Variants in ARFGAP1 observed in about 807,000 individuals in gnomAD.
ARFGAP1 encodes ARF GTPase activating protein 1.
ARFGAP1 carries 26 observed loss-of-function variants against 54.0 expected under a neutral mutation model. The ratio of observed to expected loss-of-function variants is 0.48; its 90% CI spans 0.35 to 0.67. The LOEUF is 0.67. ARFGAP1 is among the 30% of genes least tolerant of loss of function. ARFGAP1 has a pLI of 0.00. For synonymous variants in ARFGAP1, 248 were observed against 211.9 expected, an observed-to-expected ratio of 1.17 and a Z score of -1.48; for missense variants, 525 against 535.8, an observed-to-expected ratio of 0.98 and a Z score of 0.20.
At chr20:63,282,673 C>G in intron 8 of ARFGAP1, 146 bp from the exon 9 acceptor site, 1 of 746,576 alleles carries the variant, frequency 1.3e-6, no homozygotes, top group South Asian at 1.6e-5. Flanking sequence ...TTCTGGGCAT[C>G]TCAGAGTTAT....
intron 10 of ARFGAP1, 152 bp downstream of exon 10, chr20:63,285,074 G>A (rs940167054): frequency 1.2e-5 from 12 of 967,876 alleles, no homozygotes; most frequent in African/African-American, 1.6e-5. Flanking sequence ...CGTCCTCCTC[G>A]GGGCCTGGGC....
chr20:63,284,467 A>T lies in ARFGAP1; in HGVS notation c.718-399A>T. The T allele has an allele frequency of 2.7e-6, 3 of 1,106,236 alleles. No individual in the cohort carries two copies. In the South Asian group the frequency reaches 7.8e-5, roughly 29 times the overall value. 68.5% of individuals were successfully genotyped at this position (1,106,236 alleles called of 1,614,324 possible). A position where few individuals can be genotyped will look rare whatever the true frequency, so the allele number is the denominator to read the frequency against. ...CCAGCCTCCGTGCCCTCTTCCCTCC[A>T]GGGGGGACTCGGTGCCTGCCTGGGG... is the stretch of plus-strand genomic sequence containing the variant. On this transcript the variant is annotated intron_variant, in intron 9 of 12. Transcript: ENST00000370283.
In ARFGAP1 at chr20:63,276,107, G is replaced by A. The variant is rs1223726384; in HGVS notation, c.77G>A (p.Gly26Asp). ...QDENNVCFEC[G>D]AFNPQWVSVT... ...CCTTTGCAGGTTTGTTTTGAGTGTG[G>A]CGCGTTCAATCCTCAGTGGGTCAGT... is the stretch of plus-strand genomic sequence containing the variant. Residue 26 changes from glycine to aspartate, a missense_variant, in exon 3 of 13, where the codon GGC becomes GAC. Gly to Asp is a moderately conservative substitution (Grantham distance 94). Coordinates refer to ENST00000370283, the MANE Select transcript of ARFGAP1 (RefSeq NM_018209.4). The surrounding 1 kb of genome is among the most constrained non-coding windows in gnomAD (Gnocchi z 5.2). 1.2e-6 allele frequency: 2 copies of A among 1,614,044 alleles called. No homozygotes were observed. The highest frequency in any genetic ancestry group is 1.7e-6 in the Non-Finnish European group (2 of 1,180,020).
At chr20:63,283,288 G>A (rs960598359) in intron 9 of ARFGAP1, 8 of 221,682 alleles carry the variant, frequency 3.6e-5, no homozygotes, top group African/African-American at 1.6e-4. Flanking sequence ...TCCCCCAGTC[G>A]GGGCAGTGTG....
chr20:63,285,770 C>T (rs1266973795), intron 11 of ARFGAP1, 57 bp downstream of exon 11: 4 of 1,592,780 alleles, frequency 2.5e-6, no homozygotes, highest in East Asian at 2.2e-5. Context: ...TATTCCACGG[C>T]CCTGGGCGTG....
At chr20:63,281,392 G>A (rs1049867484) in intron 8 of ARFGAP1, 45 bp downstream of exon 8, 79 of 1,559,564 alleles carry the variant, frequency 5.1e-5, no homozygotes, top group East Asian at 2.8e-4. Flanking sequence ...CCAGGCCCTC[G>A]GGACACTGGC....
intron 8 of ARFGAP1, among the ~76,000 whole-genome samples, chr20:63,281,948 C>G (rs888354264): frequency 2.0e-5 from 3 of 152,140 alleles, no homozygotes; most frequent in Non-Finnish European, 4.4e-5. Context: ...CAGAAGCAGC[C>G]AAGGCACCTA....
chr20:63,285,821 C>T, intron 11 of ARFGAP1, 108 bp downstream of exon 11: 1 of 1,513,766 alleles, frequency 6.6e-7, no homozygotes, highest in Non-Finnish European at 9.1e-7. Flanking sequence ...CCCAGCTTGG[C>T]AGTGGCCGCT....
At chr20:63,280,530 C>T (rs935886366) in intron 7 of ARFGAP1, among the ~76,000 whole-genome samples, 2 of 152,256 alleles carry the variant, frequency 1.3e-5, no homozygotes, top group African/African-American at 4.8e-5. Context: ...AGGTTTAAAG[C>T]GGATGTCTTC....
At position 63,278,023 on chromosome 20, in the gene ARFGAP1, G is replaced by A. The variant is rs542723804; in HGVS notation, c.444-94G>A. The A allele has an allele frequency of 1.6e-5, 19 of 1,162,020 alleles. No homozygotes were observed. The East Asian group carries it at 4.3e-4, about 26-fold the overall frequency. The allele number at this position is 1,162,020 out of a possible 1,614,324, so 72.0% of individuals were successfully genotyped here. ...CTCTCAGGGGTGACGTGAAGGCACT[G>A]CCCACGTAGGCCACATGGTTCTGGG... On this transcript the variant is annotated intron_variant, in intron 5 of 12. Transcript: ENST00000370283.
chr20:63,287,875 G>T lies in ARFGAP1; in HGVS notation c.*2G>T, dbSNP rs1396384222. Reference sequence around the variant, plus strand: ...GGCTGGGACAACCAGAACTGGTAGGGCCCACTGCGCCCCCGTCCCCAGCGC... The same window carrying T: ...GGCTGGGACAACCAGAACTGGTAGGTCCCACTGCGCCCCCGTCCCCAGCGC... On this transcript the variant is annotated 3_prime_UTR_variant, in exon 13 of 13. Coordinates refer to ENST00000370283, the MANE Select transcript of ARFGAP1 (RefSeq NM_018209.4). 1 of 1,520,018 alleles carries T rather than the reference G, an allele frequency of 6.6e-7. No homozygotes were observed. Among genetic ancestry groups the T allele is most frequent in the Non-Finnish European group, 8.8e-7 (1 of 1,131,306 alleles). 94.2% of individuals were successfully genotyped at this position (1,520,018 alleles called of 1,614,324 possible). A position where few individuals can be genotyped will look rare whatever the true frequency, so the allele number is the denominator to read the frequency against.
intron 5 of ARFGAP1, 122 bp from the exon 6 acceptor site, chr20:63,277,995 G>T: frequency 1.2e-6 from 1 of 819,844 alleles, no homozygotes. Context: ...CTGGCCTCAG[G>T]TGCTCTCAGG....
intron 9 of ARFGAP1, 130 bp from the exon 10 acceptor site, chr20:63,284,736 C>T (rs575393774): frequency 8.6e-6 from 13 of 1,510,610 alleles, no homozygotes; most frequent in African/African-American, 5.5e-5. Flanking sequence ...CTGCTCCCTG[C>T]GCTTGTATCC....
intron 1 of ARFGAP1, among the ~76,000 whole-genome samples, chr20:63,275,277 A>G (rs936958119): frequency 6.6e-6 from 1 of 152,168 alleles, no homozygotes; most frequent in African/African-American, 2.4e-5. Flanking sequence ...GACTTTTTAT[A>G]ACTGGTGCAG....
chr20:63,288,906 TCTC>T lies in ARFGAP1; in HGVS notation c.*1038_*1040del, dbSNP rs2067639887. 8.2e-6 allele frequency: 2 copies of T among 243,084 alleles called. No individual in the cohort carries two copies. The highest frequency in any genetic ancestry group is 1.7e-5 in the Non-Finnish European group (2 of 119,402). The allele number at this position is 243,084 out of a possible 1,614,324, so 15.1% of individuals were successfully genotyped here. On this transcript the variant is annotated 3_prime_UTR_variant, in exon 13 of 13. Transcript: ENST00000370283. ...CTCGTGCAGTTTGTACGTGAGGTGC[TCTC>T]CTCCCTGCCACCATGCTCATCACTC...
chr20:63,279,026 A>G (rs1281144351), intron 7 of ARFGAP1, 31 bp downstream of exon 7: 11 of 1,608,132 alleles, frequency 6.8e-6, no homozygotes, highest in South Asian at 5.5e-5. Flanking sequence ...AGCATCTCCC[A>G]TGGGCAGACC....
intron 8 of ARFGAP1, among the ~76,000 whole-genome samples, chr20:63,282,287 C>T (rs947529879): frequency 2.6e-5 from 4 of 152,236 alleles, no homozygotes; most frequent in African/African-American, 4.8e-5. Context: ...CTCGTCTGCA[C>T]GGGAGGGCTG....
chr20:63,278,463 G>T (rs1361332533), intron 6 of ARFGAP1: 12 of 497,184 alleles, frequency 2.4e-5, no homozygotes, highest in Middle Eastern at 5.6e-4. Context: ...AGCTGCCCAG[G>T]TGTGAATTGG....
chr20:63,275,217 T>C (rs927141275), intron 1 of ARFGAP1, among the ~76,000 whole-genome samples: 4 of 152,240 alleles, frequency 2.6e-5, no homozygotes, highest in Admixed American at 1.3e-4. Context: ...CCAATCTGTG[T>C]GTATTTTTAA....
Sources: gnomAD v4.1 joint callset for allele counts (sites outside exome capture counted in the v4.1 genomes callset) on GRCh38, gnomAD v4.1.1 for gene constraint, Gnocchi (gnomAD v3.1) non-coding constraint, MANE v1.5 for transcripts, NCBI Gene and HGNC (gene_info 2026-07-23, HGNC 2026-07-21) for gene names.